CTNND2: variants seen among roughly 807,000 people sequenced by gnomAD.
CTNND2 encodes catenin delta-2.
A neutral mutation model predicts 144.4 loss-of-function variants in CTNND2; 22 were observed. That is an observed-to-expected ratio of 0.15 (90% confidence interval 0.11 to 0.22). The LOEUF (loss-of-function observed/expected upper bound fraction) is 0.22, where lower values mean the gene tolerates loss of function less well. CTNND2 is among the 10% of genes least tolerant of loss of function. The probability of loss-of-function intolerance (pLI) is 1.00; values close to 1 mark genes in which losing one functional copy is unlikely to be tolerated. For missense variants in CTNND2, 1,353 were observed against 1,618.8 expected (o/e 0.84, Z 2.82); for synonymous variants, 751 against 695.6 (o/e 1.08, Z -1.25).
chr5:11,179,037 A>G (rs1256741578), intron 11 of CTNND2, among the ~76,000 whole-genome samples: 1 of 152,226 alleles, frequency 6.6e-6, no homozygotes, highest in Non-Finnish European at 1.5e-5. Context: ...ATAATTTTTC[A>G]TAGCTTGACT....
intron 9 of CTNND2, among the ~76,000 whole-genome samples, chr5:11,261,130 G>A (rs927275586): frequency 6.6e-6 from 1 of 152,070 alleles, no homozygotes; most frequent in Non-Finnish European, 1.5e-5. Flanking sequence ...GGCCCAGAAA[G>A]GACTTGGTGG....
In CTNND2 at chr5:11,440,482, C is replaced by T. The variant is rs1006126240; in HGVS notation, c.288-28413G>A. On this transcript the variant is annotated intron_variant, in intron 3 of 21. Transcript: ENST00000304623. ...AATATTGGAATTCTTCTGAAAAACT[C>T]CAGGCAAATAAAATGTATCTCCAAA... is the stretch of plus-strand genomic sequence containing the variant. 2.0e-5 allele frequency among the ~76,000 whole-genome samples: 3 copies of T among 152,064 alleles called. No individual in the cohort carries two copies. In the East Asian group the frequency reaches 5.8e-4, roughly 29 times the overall value.
At chr5:11,051,800 G>T (rs914312786) in intron 16 of CTNND2, among the ~76,000 whole-genome samples, 2 of 152,096 alleles carry the variant, frequency 1.3e-5, no homozygotes, top group Non-Finnish European at 1.5e-5. Context: ...TAATCAAAAG[G>T]CAAGTAAGAG....
chr5:11,285,555 G>A (rs950430229), intron 9 of CTNND2, among the ~76,000 whole-genome samples: 3 of 152,120 alleles, frequency 2.0e-5, no homozygotes, highest in Non-Finnish European at 2.9e-5. Flanking sequence ...TAAATTTGGA[G>A]ACCCAAAAGC....
intron 3 of CTNND2, among the ~76,000 whole-genome samples, chr5:11,430,021 G>C (rs998090156): frequency 6.6e-6 from 1 of 152,082 alleles, no homozygotes; most frequent in Non-Finnish European, 1.5e-5. Flanking sequence ...GGAGGCCGAG[G>C]TGGGTGGATC....
At chr5:11,375,752 T>C (rs1013618694) in intron 7 of CTNND2, among the ~76,000 whole-genome samples, 2 of 152,216 alleles carry the variant, frequency 1.3e-5, no homozygotes, top group African/African-American at 4.8e-5. Context: ...TGTACCCTAG[T>C]GATGTTAGTG....
At chr5:11,647,325 T>C (rs1312708174) in intron 2 of CTNND2, among the ~76,000 whole-genome samples, 5 of 152,070 alleles carry the variant, frequency 3.3e-5, no homozygotes, top group Non-Finnish European at 7.4e-5. Context: ...ACAAAATAAC[T>C]TCAGCTGCAA....
At chr5:11,477,369 T>A (rs1320930055) in intron 3 of CTNND2, among the ~76,000 whole-genome samples, 2 of 144,176 alleles carry the variant, frequency 1.4e-5, no homozygotes, top group East Asian at 3.9e-4. Flanking sequence ...TGTTTATGAA[T>A]ACACATCACC....
chr5:11,570,085 T>TG (rs541994229), intron 2 of CTNND2, among the ~76,000 whole-genome samples: 162 of 152,338 alleles, frequency 1.1e-3, no homozygotes, highest in Non-Finnish European at 2.0e-3. Context: ...GTTAAGAACT[T>TG]GGAGTTTTTT....
rs142896652 is a variant in CTNND2 at position 11,349,027 on chromosome 5, T to A, written c.1373-2400A>T. ...TTGGTTTCTAAAGGTGGAGAACTGG[T>A]TCCTGTCCTGGCCTTTTGGTCAGTT... On this transcript the variant is annotated intron_variant, in intron 8 of 21. Transcript: ENST00000304623. 3.1e-3 allele frequency among the ~76,000 whole-genome samples: 472 copies of A among 152,254 alleles called. 3 individuals carry two copies. The highest frequency in any genetic ancestry group is 0.011 in the African/African-American group (451 of 41,538).
intron 3 of CTNND2, among the ~76,000 whole-genome samples, chr5:11,529,289 T>G (rs1334319327): frequency 6.6e-6 from 1 of 152,172 alleles, no homozygotes; most frequent in African/African-American, 2.4e-5. Context: ...ACAGAGATAT[T>G]GTGTTTAGGA....
intron 3 of CTNND2, among the ~76,000 whole-genome samples, chr5:11,489,710 A>G (rs16901666): frequency 0.014 from 2,137 of 152,270 alleles, 50 homozygotes; most frequent in African/African-American, 0.049. Flanking sequence ...ACATTCACAT[A>G]AATTTATTCT....
chr5:10,986,741 C>T, intron 20 of CTNND2: 1 of 453,088 alleles, frequency 2.2e-6, no homozygotes, highest in Non-Finnish European at 4.4e-6. Flanking sequence ...AGAATGTGCT[C>T]CTGGGGGCAG....
At chr5:11,245,762 A>T (rs937017626) in intron 9 of CTNND2, among the ~76,000 whole-genome samples, 14 of 152,092 alleles carry the variant, frequency 9.2e-5, no homozygotes, top group Non-Finnish European at 1.5e-5. Context: ...AGCCCATCTG[A>T]CCCCAGGACA....
Position 11,135,666 on chromosome 5 carries a change from G to A in CTNND2, c.2160-18099C>T, listed in dbSNP as rs1756063218. Among the ~76,000 whole-genome samples, 3 of 152,306 alleles carry A rather than the reference G, an allele frequency of 2.0e-5. No individual in the cohort carries two copies. The South Asian group carries it at 6.2e-4, about 32-fold the overall frequency. ...CTGAAAATCAAATACATAGTGTTAG[G>A]TGATTCCAACTCCAAAGAAAATTAG... On this transcript the variant is annotated intron_variant, in intron 12 of 21. Transcript: ENST00000304623.
intron 3 of CTNND2, among the ~76,000 whole-genome samples, chr5:11,445,178 G>A (rs769370803): frequency 2.0e-5 from 3 of 152,076 alleles, no homozygotes; most frequent in Non-Finnish European, 4.4e-5. Flanking sequence ...GCTTCTGCTG[G>A]TTGCCAGTAA....
At chr5:11,459,721 G>A (rs1766032231) in intron 3 of CTNND2, among the ~76,000 whole-genome samples, 1 of 152,168 alleles carries the variant, frequency 6.6e-6, no homozygotes, top group Non-Finnish European at 1.5e-5. Flanking sequence ...TAAAACTAAT[G>A]ACAATAAAAC....
chr5:11,903,872 A>G lies in CTNND2; in HGVS notation c.-19T>C. ...CAAACATGCACCCTCCGCCGGCGAC[A>G]GCTCCTCAGTCCGGGAAGAGGCGTG... is the stretch of plus-strand genomic sequence containing the variant. On this transcript the variant is annotated 5_prime_UTR_variant, in exon 1 of 22. Transcript: ENST00000304623. This position sits in a 1 kb window ranked among gnomAD's most constrained non-coding sequence, Gnocchi z 5.4. 6.8e-7 allele frequency: 1 copy of G among 1,467,344 alleles called. No individual in the cohort carries two copies. The highest frequency in any genetic ancestry group is 9.0e-7 in the Non-Finnish European group (1 of 1,115,116). 90.9% of individuals were successfully genotyped at this position (1,467,344 alleles called of 1,614,324 possible).
intron 1 of CTNND2, among the ~76,000 whole-genome samples, chr5:11,893,953 C>A (rs1446479599): frequency 6.6e-6 from 1 of 152,174 alleles, no homozygotes; most frequent in Non-Finnish European, 1.5e-5. Context: ...AAGTAACATA[C>A]TCATTGAGGA....
Sources: gnomAD v4.1 joint callset for allele counts (sites outside exome capture counted in the v4.1 genomes callset) on GRCh38, gnomAD v4.1.1 for gene constraint, Gnocchi (gnomAD v3.1) non-coding constraint, MANE v1.5 for transcripts, NCBI Gene and HGNC (gene_info 2026-07-23, HGNC 2026-07-21) for gene names.